The following STK3 variants were observed in gnomAD, a reference collection of about 807,000 sequenced individuals.
STK3 encodes serine/threonine kinase 3, also known as serine/threonine-protein kinase 3.
In STK3, 41 loss-of-function variants were observed where a neutral mutation model predicts 58.0. The observed-to-expected ratio is 0.71, with a 90% CI of 0.55 to 0.92. STK3 has a LOEUF of 0.92. Ranked by LOEUF, STK3 falls within the 40% of genes least tolerant of loss-of-function variation. The pLI is 0.00. For missense variants in STK3, 479 were observed against 602.7 expected (o/e 0.79, Z 2.15); for synonymous variants, 170 against 191.0 (o/e 0.89, Z 0.91).
At chr8:98,849,804 G>T (rs970769287) in intron 3 of STK3, among the ~76,000 whole-genome samples, 1 of 152,006 alleles carries the variant, frequency 6.6e-6, no homozygotes, top group Admixed American at 6.6e-5. Flanking sequence ...TTTACTCCTT[G>T]TTCAATTTCC....
chr8:98,454,264 G>A (rs78390113), downstream of STK3, among the ~76,000 whole-genome samples: 2,960 of 152,242 alleles, frequency 0.019, 240 homozygotes, highest in East Asian at 0.24. Context: ...TGACTCCCTC[G>A]AAGTTAGGAG....
upstream of STK3, among the ~76,000 whole-genome samples, chr8:98,829,393 A>G (rs916256850): frequency 6.6e-6 from 1 of 152,212 alleles, no homozygotes; most frequent in Non-Finnish European, 1.5e-5. Flanking sequence ...TAAAGGGCTT[A>G]TGATCTTGAC....
rs113805337 is a variant in STK3, at chr8:98,738,954, C to T, written c.351+10322G>A. ...AGGAGATTATATCCCACACCTGGCT[C>T]GGAGGGTCCTACGCCCAAGGAGTCT... On this transcript the variant is annotated intron_variant, in intron 4 of 10. Coordinates refer to ENST00000419617, the MANE Select transcript of STK3 (RefSeq NM_006281.4). Among the ~76,000 whole-genome samples, 17 of 152,360 alleles carry T rather than the reference C, an allele frequency of 1.1e-4. 1 individual carries two copies. The highest frequency in any genetic ancestry group is 3.1e-4 in the African/African-American group (13 of 41,598).
chr8:98,809,948 A>C (rs915643654), intron 1 of STK3, among the ~76,000 whole-genome samples: 3 of 152,202 alleles, frequency 2.0e-5, no homozygotes, highest in African/African-American at 7.2e-5. Flanking sequence ...GCTATACAGG[A>C]AGCATAGCAG....
At chr8:98,647,601 A>G (rs1269826945) in intron 6 of STK3, among the ~76,000 whole-genome samples, 1 of 152,202 alleles carries the variant, frequency 6.6e-6, no homozygotes. Context: ...GCTGGACTGC[A>G]GTGGCACGAT....
chr8:98,654,968 G>C (rs547942236), intron 6 of STK3, among the ~76,000 whole-genome samples: 6 of 151,666 alleles, frequency 4.0e-5, no homozygotes, highest in African/African-American at 1.5e-4. Flanking sequence ...TTTCTTCACA[G>C]AATTGGAAAA....
chr8:98,784,311 C>T (rs1380218204), intron 1 of STK3, among the ~76,000 whole-genome samples: 1 of 152,204 alleles, frequency 6.6e-6, no homozygotes, highest in African/African-American at 2.4e-5. Context: ...TAGTTAGTGC[C>T]TCAGCAGTAG....
intron 8 of STK3, among the ~76,000 whole-genome samples, chr8:98,572,033 C>T (rs879636932): frequency 6.6e-5 from 10 of 152,078 alleles, no homozygotes; most frequent in Non-Finnish European, 1.3e-4. Flanking sequence ...TCCAATGTAC[C>T]ACATGTAGAA....
At chr8:98,371,788 C>A (rs1034303591) in intron 2 of STK3, 1 of 152,162 alleles carries the variant, frequency 6.6e-6, no homozygotes, top group Non-Finnish European at 1.5e-5. Context: ...GCTCTAGGGC[C>A]ACATGAGACA....
intron 3 of STK3, among the ~76,000 whole-genome samples, chr8:98,868,393 G>A (rs918230382): frequency 6.6e-6 from 1 of 152,114 alleles, no homozygotes; most frequent in African/African-American, 2.4e-5. Flanking sequence ...AACACTCAGG[G>A]AGTTAAACCC....
At chr8:98,569,521 A>C in intron 8 of STK3, among the ~76,000 whole-genome samples, 1 of 152,158 alleles carries the variant, frequency 6.6e-6, no homozygotes, top group Non-Finnish European at 1.5e-5. Flanking sequence ...ATTGTGTTTG[A>C]ACATACACAG....
intron 1 of STK3, among the ~76,000 whole-genome samples, chr8:98,810,611 T>TA (rs374385904): frequency 1.1e-4 from 17 of 152,334 alleles, no homozygotes; most frequent in Middle Eastern, 3.4e-3. Context: ...ACTTTTTATT[T>TA]GGGTTATTTG....
chr8:98,784,431 C>G (rs1832324614), intron 1 of STK3, among the ~76,000 whole-genome samples: 1 of 152,220 alleles, frequency 6.6e-6, no homozygotes, highest in Admixed American at 6.5e-5. Context: ...GCTTAGCAAC[C>G]TGGAACTGGT....
intron 6 of STK3, among the ~76,000 whole-genome samples, chr8:98,656,898 A>G (rs1821583975): frequency 6.6e-6 from 1 of 152,132 alleles, no homozygotes; most frequent in African/African-American, 2.4e-5. Flanking sequence ...CTGAATATCT[A>G]AACATATCTT....
Position 98,905,791 on chromosome 8 carries a change from T to C in STK3, c.-78-21957A>G, listed in dbSNP as rs994492696. The C allele has an allele frequency of 3.0e-5, 12 of 398,376 alleles. 1 individual carries two copies. The highest frequency in any genetic ancestry group is 2.2e-4 in the South Asian group (9 of 41,320). 24.7% of individuals were successfully genotyped at this position (398,376 alleles called of 1,614,324 possible). On this transcript the variant is annotated intron_variant, in intron 1 of 1. Coordinates refer to the STK3 transcript ENST00000519420. ...CCGAATTAAATTTAAAAGAGTTTAA[T>C]TGAGCAACGAACGATTCACAAATTC... is the stretch of plus-strand genomic sequence containing the variant.
At chr8:98,933,575 C>T (rs751057644) in intron 1 of STK3, among the ~76,000 whole-genome samples, 4 of 152,178 alleles carry the variant, frequency 2.6e-5, no homozygotes, top group Non-Finnish European at 5.9e-5. Flanking sequence ...AACTATCTAT[C>T]CAATTCTCTC....
rs866995396 is a variant in STK3 at position 98,825,423 on chromosome 8, G to A, written c.26+92C>T. ...GCCCGGCTCGGGGCCCGGCGGGCGG[G>A]GAGAGGCTCGCAGCAGGGCCTGGCC... On this transcript the variant is annotated intron_variant, in intron 1 of 10. Transcript: ENST00000419617. 77 of 1,203,236 alleles carry A rather than the reference G, an allele frequency of 6.4e-5. No homozygotes were observed. In the South Asian group the frequency reaches 1.3e-3, roughly 20 times the overall value. The allele number at this position is 1,203,236 out of a possible 1,614,324, so 74.5% of individuals were successfully genotyped here.
intron 6 of STK3, among the ~76,000 whole-genome samples, chr8:98,628,978 G>C (rs1818966558): frequency 6.6e-6 from 1 of 152,148 alleles, no homozygotes; most frequent in Admixed American, 6.5e-5. Context: ...AGAGAAGCCT[G>C]GAAACCTGGA....
chr8:98,525,251 T>C (rs1825663027), intron 10 of STK3, among the ~76,000 whole-genome samples: 1 of 152,072 alleles, frequency 6.6e-6, no homozygotes, highest in Non-Finnish European at 1.5e-5. Context: ...TGCGGAATAA[T>C]AGACTATGGA....
Sources: allele counts gnomAD v4.1 joint callset (sites outside exome capture counted in the v4.1 genomes callset), GRCh38; gene constraint gnomAD v4.1.1; transcripts MANE v1.5; gene names NCBI Gene and HGNC (gene_info 2026-07-23, HGNC 2026-07-21).